TGFA: variants seen among roughly 807,000 people sequenced by gnomAD.
TGFA encodes the protein protransforming growth factor alpha.
TGFA carries 12 observed loss-of-function variants against 21.7 expected under a neutral mutation model. The observed-to-expected ratio is 0.55, with a 90% confidence interval of 0.35 to 0.90. TGFA has a LOEUF of 0.90. TGFA is among the 40% of genes least tolerant of loss of function. TGFA has a pLI of 0.01. For synonymous variants in TGFA, 79 were observed against 88.1 expected, an observed-to-expected ratio of 0.90 and a Z score of 0.58; for missense variants, 178 against 210.8, an observed-to-expected ratio of 0.84 and a Z score of 0.96.
chr2:70,470,441 G>A (rs981144204), intron 2 of TGFA, among the ~76,000 whole-genome samples: 44 of 152,304 alleles, frequency 2.9e-4, no homozygotes, highest in African/African-American at 1.1e-3. Context: ...AAGCTGGACA[G>A]GCTCAGCTTT....
chr2:70,514,376 A>G (rs868992732), intron 2 of TGFA, among the ~76,000 whole-genome samples: 15 of 151,798 alleles, frequency 9.9e-5, no homozygotes, highest in South Asian at 6.2e-4. Flanking sequence ...CAAGCTCTCC[A>G]CTATTTTGAT....
intron 4 of TGFA, among the ~76,000 whole-genome samples, chr2:70,454,467 C>A (rs1291779188): frequency 1.3e-5 from 2 of 152,246 alleles, no homozygotes; most frequent in Non-Finnish European, 2.9e-5. Flanking sequence ...AGAGTCTGGG[C>A]TGGAAACAGT....
At chr2:70,536,991 TC>T in intron 1 of TGFA, among the ~76,000 whole-genome samples, 2 of 133,578 alleles carry the variant, frequency 1.5e-5, no homozygotes, top group Admixed American at 7.9e-5. Flanking sequence ...TTTTTCTTTT[TC>T]TTTTTCTTTT....
Position 70,453,277 on chromosome 2 carries a change from C to G in TGFA, c.416G>C (p.Arg139Pro), listed in dbSNP as rs554966762. ...HCEWCRALIC[R>P]HEKPSALLKG... ...CAGGAGGGCGCTGGGCTTCTCGTGC[C>G]GGCAGATGAGGGCCCGGCACCACTC... The change falls in exon 5 of 6, where the codon CGG (arginine) becomes CCG (proline). Residue 139 changes from arginine to proline, a missense_variant. Physicochemically the swap from Arg to Pro is moderately radical, Grantham distance 103. Transcript: ENST00000295400. 6.2e-7 allele frequency: 1 copy of G among 1,614,018 alleles called. No homozygotes were observed. The highest frequency in any genetic ancestry group is 1.1e-5 in the South Asian group (1 of 91,058).
chr2:70,455,091 C>A (rs1670182794), intron 4 of TGFA, among the ~76,000 whole-genome samples: 1 of 152,248 alleles, frequency 6.6e-6, no homozygotes, highest in African/African-American at 2.4e-5. Context: ...TGAACCAGAG[C>A]TACTTGTCTT....
At chr2:70,488,422 C>T (rs1042807418) in intron 2 of TGFA, among the ~76,000 whole-genome samples, 1 of 152,212 alleles carries the variant, frequency 6.6e-6, no homozygotes, top group African/African-American at 2.4e-5. Flanking sequence ...ATTATCCTAA[C>T]TCCATTTGTT....
At chr2:70,454,798 G>A (rs964981337) in intron 4 of TGFA, among the ~76,000 whole-genome samples, 13 of 152,192 alleles carry the variant, frequency 8.5e-5, no homozygotes, top group African/African-American at 2.4e-4. Context: ...GGGACTGGCC[G>A]CCTCCCTGGA....
At chr2:70,495,237 T>C (rs1424266064) in intron 2 of TGFA, among the ~76,000 whole-genome samples, 1 of 152,262 alleles carries the variant, frequency 6.6e-6, no homozygotes, top group Non-Finnish European at 1.5e-5. Flanking sequence ...AGCTTATGCA[T>C]AACTGGGTTT....
intron 2 of TGFA, among the ~76,000 whole-genome samples, chr2:70,506,298 G>T (rs1377831098): frequency 6.6e-6 from 1 of 152,254 alleles, no homozygotes; most frequent in Non-Finnish European, 1.5e-5. Flanking sequence ...GGTAAAGCAA[G>T]AACTTGGGGG....
Position 70,472,543 on chromosome 2 carries a change from T to C in TGFA, c.95-6807A>G, listed in dbSNP as rs115725783. Among the ~76,000 whole-genome samples, 486 of 152,214 alleles carry C rather than the reference T, an allele frequency of 3.2e-3. 6 individuals carry two copies. Among genetic ancestry groups the C allele is most frequent in the African/African-American group, 0.011 (460 of 41,528 alleles). On this transcript the variant is annotated intron_variant, in intron 2 of 5. Transcript: ENST00000295400. ...ACAGGAAGAGGGTCTGGAATAGCAA[T>C]TGAGGGGCAGGGAAATCCCCCATCC...
intron 1 of TGFA, chr2:70,553,391 A>G: frequency 1.4e-6 from 2 of 1,451,278 alleles, no homozygotes; most frequent in African/African-American, 2.9e-5. Context: ...GGAGGCAGCC[A>G]GGTAAGCAGG....
At chr2:70,515,075 G>A (rs1348821256) in intron 1 of TGFA, among the ~76,000 whole-genome samples, 163 bp from the exon 2 acceptor site, 1 of 152,162 alleles carries the variant, frequency 6.6e-6, no homozygotes, top group Non-Finnish European at 1.5e-5. Context: ...AGTGCAAAAT[G>A]AGCACATGGG....
intron 1 of TGFA, among the ~76,000 whole-genome samples, chr2:70,536,728 T>C (rs1179017166): frequency 6.6e-6 from 1 of 152,242 alleles, no homozygotes; most frequent in Non-Finnish European, 1.5e-5. Flanking sequence ...TAGCACTTAC[T>C]GAATATATTA....
At chr2:70,486,610 C>T (rs868956797) in intron 2 of TGFA, among the ~76,000 whole-genome samples, 5 of 151,942 alleles carry the variant, frequency 3.3e-5, no homozygotes, top group East Asian at 1.9e-4. Context: ...TACAGGTGCG[C>T]GCTACCACAC....
intron 1 of TGFA, among the ~76,000 whole-genome samples, chr2:70,547,227 C>T (rs1166425800): frequency 1.3e-5 from 2 of 152,070 alleles, no homozygotes; most frequent in African/African-American, 2.4e-5. Context: ...CTTCAAAAGT[C>T]GTTACAATAA....
chr2:70,549,740 A>G (rs1246181252), intron 1 of TGFA, among the ~76,000 whole-genome samples: 1 of 152,208 alleles, frequency 6.6e-6, no homozygotes, highest in Non-Finnish European at 1.5e-5. Context: ...CTAATGGAAA[A>G]GTCATCTATT....
intron 2 of TGFA, among the ~76,000 whole-genome samples, chr2:70,513,371 A>G (rs1304591546): frequency 1.3e-5 from 2 of 152,128 alleles, no homozygotes; most frequent in African/African-American, 2.4e-5. Flanking sequence ...TTTCCTCCCT[A>G]TATGTTCATA....
At chr2:70,513,520 C>T (rs1311202639) in intron 2 of TGFA, among the ~76,000 whole-genome samples, 7 of 152,270 alleles carry the variant, frequency 4.6e-5, no homozygotes, top group African/African-American at 1.2e-4. Flanking sequence ...CAACAAAGCA[C>T]GACACAGAGT....
At chr2:70,506,066 C>T (rs1553500106) in intron 2 of TGFA, among the ~76,000 whole-genome samples, 1 of 152,186 alleles carries the variant, frequency 6.6e-6, no homozygotes, top group Non-Finnish European at 1.5e-5. Flanking sequence ...GGAGTTTGGG[C>T]TTGCACAGCC....
Sources: gnomAD v4.1 joint callset for allele counts (sites outside exome capture counted in the v4.1 genomes callset) on GRCh38, gnomAD v4.1.1 for gene constraint, MANE v1.5 for transcripts, NCBI Gene and HGNC (gene_info 2026-07-23, HGNC 2026-07-21) for gene names.